UBE4A: variants seen among roughly 807,000 people sequenced by gnomAD.
UBE4A encodes the protein ubiquitination factor E4A.
In UBE4A, 48 loss-of-function variants were observed where a neutral mutation model predicts 117.9. That is an observed-to-expected ratio of 0.41 (90% CI 0.32 to 0.52). UBE4A has a LOEUF of 0.52. Among genes scored for constraint, UBE4A ranks in the 20% least tolerant of loss-of-function variants. UBE4A has a pLI of 0.33. For missense variants in UBE4A, 1,067 were observed against 1,296.3 expected, an observed-to-expected ratio of 0.82 and a Z score of 2.72; for synonymous variants, 407 against 450.0, an observed-to-expected ratio of 0.90 and a Z score of 1.21.
intron 17 of UBE4A, among the ~76,000 whole-genome samples, chr11:118,390,446 A>G (rs1482952974): frequency 1.4e-5 from 2 of 145,924 alleles, no homozygotes; most frequent in African/African-American, 5.0e-5. Context: ...TAATTATAAT[A>G]AAATATATAT....
chr11:118,361,881 G>A (rs1948523424), intron 1 of UBE4A, among the ~76,000 whole-genome samples: 1 of 152,226 alleles, frequency 6.6e-6, no homozygotes. Context: ...TGATTGTGAT[G>A]TATAATGCCA....
chr11:118,381,322 T>C (rs1555126302), intron 11 of UBE4A, 69 bp from the exon 12 acceptor site: 1 of 1,565,348 alleles, frequency 6.4e-7, no homozygotes, highest in African/African-American at 1.4e-5. Context: ...GTGAAAGGAA[T>C]TTAAATGTTG....
At chr11:118,372,803 G>A in intron 6 of UBE4A, 137 bp downstream of exon 6, 1 of 1,291,270 alleles carries the variant, frequency 7.7e-7, no homozygotes, top group Non-Finnish European at 1.1e-6. Flanking sequence ...CTTGATCTTT[G>A]AGGTTGAGTA....
chr11:118,377,250 T>A (rs1289062769), intron 10 of UBE4A, among the ~76,000 whole-genome samples: 1 of 152,182 alleles, frequency 6.6e-6, no homozygotes, highest in Non-Finnish European at 1.5e-5. Flanking sequence ...TCTTGTCACC[T>A]TGGCTGGAGT....
At position 118,386,508 on chromosome 11, in the gene UBE4A, C is replaced by T; in HGVS notation, c.2483C>T (p.Ala828Val). 2 of 1,608,942 alleles carry T rather than the reference C, an allele frequency of 1.2e-6. No individual in the cohort carries two copies. Among genetic ancestry groups the T allele is most frequent in the Non-Finnish European group, 1.7e-6 (2 of 1,178,438 alleles). The change falls in exon 16 of 20, where the codon GCC (alanine) becomes GTC (valine). Residue 828 changes from alanine to valine, a missense_variant. By Grantham distance (64) the Ala-to-Val change is moderately conservative. Transcript: ENST00000252108. The part of the protein sequence containing the change: ...RGEWDSLTPE[A>V]RREKEAGLQM... ...GAATGGGATAGTCTGACTCCAGAAGCCCGCCGAGAAAAGGAGGCTGGCCTA... is the reference window on the plus strand; with the variant it reads ...GAATGGGATAGTCTGACTCCAGAAGTCCGCCGAGAAAAGGAGGCTGGCCTA...
At chr11:118,377,526 C>T (rs1948663558) in intron 10 of UBE4A, among the ~76,000 whole-genome samples, 1 of 152,044 alleles carries the variant, frequency 6.6e-6, no homozygotes, top group African/African-American at 2.4e-5. Flanking sequence ...AACTTTTGAC[C>T]TGTTAAACTT....
chr11:118,367,449 C>A (rs1279177015), intron 2 of UBE4A, among the ~76,000 whole-genome samples: 3 of 151,484 alleles, frequency 2.0e-5, no homozygotes, highest in Non-Finnish European at 4.4e-5. Context: ...CAGGCACTCT[C>A]TCATATACTG....
At chr11:118,388,150 TAACA>T (rs1231283251) in intron 16 of UBE4A, among the ~76,000 whole-genome samples, 4 of 152,264 alleles carry the variant, frequency 2.6e-5, no homozygotes, top group South Asian at 2.1e-4. Context: ...ATAATCTTAA[TAACA>T]AACTAAATTA....
intron 4 of UBE4A, among the ~76,000 whole-genome samples, chr11:118,370,505 T>G (rs970851571): frequency 1.3e-5 from 2 of 151,752 alleles, no homozygotes; most frequent in Non-Finnish European, 2.9e-5. Context: ...CCTGAAGTCC[T>G]AGCTACTCAG....
chr11:118,371,391 C>T (rs1333160851), intron 4 of UBE4A, 123 bp from the exon 5 acceptor site: 15 of 1,242,092 alleles, frequency 1.2e-5, no homozygotes, highest in Non-Finnish European at 1.4e-5. Context: ...TTTTTTTCTC[C>T]TTCACTCTAC....
At chr11:118,377,546 A>T (rs979161095) in intron 10 of UBE4A, among the ~76,000 whole-genome samples, 1 of 152,196 alleles carries the variant, frequency 6.6e-6, no homozygotes, top group Admixed American at 6.5e-5. Flanking sequence ...TTAAAAATTA[A>T]ATCACTGTCT....
intron 2 of UBE4A, among the ~76,000 whole-genome samples, chr11:118,366,728 CAT>C (rs1444764091): frequency 3.9e-5 from 6 of 152,228 alleles, no homozygotes; most frequent in Non-Finnish European, 7.3e-5. Context: ...CATATAGACT[CAT>C]ATGTGGCATA....
At chr11:118,392,683 G>A (rs563462866) in intron 18 of UBE4A, 55 bp from the exon 19 acceptor site, 52 of 1,541,940 alleles carry the variant, frequency 3.4e-5, no homozygotes, top group South Asian at 4.8e-5. Flanking sequence ...CATTGAGCAC[G>A]CTGAATTCAG....
At chr11:118,376,345 A>G (rs992979238) in intron 9 of UBE4A, among the ~76,000 whole-genome samples, 1 of 152,220 alleles carries the variant, frequency 6.6e-6, no homozygotes, top group African/African-American at 2.4e-5. Flanking sequence ...CTATCACTTG[A>G]AACAATCTAT....
Position 118,374,752 on chromosome 11 carries a change from A to C in UBE4A, c.1117-144A>C, listed in dbSNP as rs919207762. On this transcript the variant is annotated intron_variant, in intron 8 of 19. Coordinates refer to ENST00000252108, the MANE Select transcript of UBE4A (RefSeq NM_001204077.2). ...TATAAGTGCCCAGAAATATATTTTA[A>C]AATCAAATTAGGGGATGAGGCACAG... 6.8e-6 allele frequency: 5 copies of C among 738,420 alleles called. No homozygotes were observed. The East Asian group carries it at 1.5e-4, about 23-fold the overall frequency. 45.7% of individuals were successfully genotyped at this position (738,420 alleles called of 1,614,324 possible). A position where few individuals can be genotyped will look rare whatever the true frequency, so the allele number is the denominator to read the frequency against.
At chr11:118,379,135 ATAAT>A (rs1202499952) in intron 10 of UBE4A, among the ~76,000 whole-genome samples, 2 of 152,188 alleles carry the variant, frequency 1.3e-5, no homozygotes, top group East Asian at 3.8e-4. Flanking sequence ...ACTTTGCCTA[ATAAT>A]TATTTTATGT....
At position 118,389,797 on chromosome 11, in the gene UBE4A, A is replaced by G; in HGVS notation, c.2660A>G (p.His887Arg). Reference sequence around the variant, plus strand: ...TCCATGTTGAACTACTTCCTGCAACACCTGGTTGGCCCCAAGATGGGTGCC... The same window carrying G: ...TCCATGTTGAACTACTTCCTGCAACGCCTGGTTGGCCCCAAGATGGGTGCC... ...IISMLNYFLQ[H>R]LVGPKMGALK... is the part of the protein sequence containing the mutation. The change falls in exon 17 of 20, where the codon CAC (histidine) becomes CGC (arginine). Residue 887 changes from histidine (H) to arginine (R), a missense_variant. Physicochemically the swap from His to Arg is conservative, Grantham distance 29 (BLOSUM62 0). Transcript: ENST00000252108. 6.2e-7 allele frequency: 1 copy of G among 1,613,996 alleles called. No individual in the cohort carries two copies. Among genetic ancestry groups the G allele is most frequent in the East Asian group, 2.2e-5 (1 of 44,884 alleles).
chr11:118,362,256 G>C, intron 1 of UBE4A, among the ~76,000 whole-genome samples: 1 of 152,146 alleles, frequency 6.6e-6, no homozygotes, highest in Non-Finnish European at 1.5e-5. Context: ...CTGAGTAGCT[G>C]AGATTCCAGG....
At chr11:118,365,292 A>G in intron 2 of UBE4A, 91 bp downstream of exon 2, 1 of 1,425,758 alleles carries the variant, frequency 7.0e-7, no homozygotes, top group Non-Finnish European at 9.2e-7. Context: ...TTGCAATTGG[A>G]ATTTAAGTTT....
Sources: allele counts gnomAD v4.1 joint callset (sites outside exome capture counted in the v4.1 genomes callset), GRCh38; gene constraint gnomAD v4.1.1; transcripts MANE v1.5; gene names NCBI Gene and HGNC (gene_info 2026-07-23, HGNC 2026-07-21).